SNX29: variants seen among roughly 807,000 people sequenced by gnomAD.
SNX29 encodes sorting nexin-29.
Under a neutral mutation model 102.1 loss-of-function variants are expected in SNX29, and 78 were observed. The ratio of observed to expected loss-of-function variants is 0.76; its 90% CI spans 0.64 to 0.92. SNX29 has a LOEUF of 0.92. Among genes scored for constraint, SNX29 ranks in the 40% least tolerant of loss-of-function variants. SNX29 has a pLI of 0.00. For synonymous variants in SNX29, 580 were observed against 414.5 expected (o/e 1.40, Z -4.85); for missense variants, 1,280 against 1,061.7 (o/e 1.21, Z -2.86).
rs1308920595 is a variant in SNX29, at chr16:12,570,523, C to G, written c.*1894C>G. 2.2e-5 allele frequency: 5 copies of G among 232,524 alleles called. No homozygotes were observed. The highest frequency in any genetic ancestry group is 1.7e-4 in the Admixed American group (3 of 17,754). 14.4% of individuals were successfully genotyped at this position (232,524 alleles called of 1,614,324 possible). ...TAGGTTGGGTTTATGCCACATCGGTCATTTTGAAGTAGGTGTTTGATGCCA... is the reference window on the plus strand; with the variant it reads ...TAGGTTGGGTTTATGCCACATCGGTGATTTTGAAGTAGGTGTTTGATGCCA... On this transcript the variant is annotated 3_prime_UTR_variant, in exon 21 of 21. Transcript: ENST00000566228.
intron 19 of SNX29, among the ~76,000 whole-genome samples, chr16:12,488,013 G>A (rs555462904): frequency 2.5e-4 from 38 of 152,254 alleles, no homozygotes; most frequent in Middle Eastern, 6.8e-3. Flanking sequence ...ACATCTCAGG[G>A]GAGAGACCTT....
chr16:12,352,136 AC>A (rs1385064848), intron 15 of SNX29, among the ~76,000 whole-genome samples: 1 of 152,162 alleles, frequency 6.6e-6, no homozygotes, highest in East Asian at 1.9e-4. Context: ...ACAATGATAG[AC>A]TGGATTAAAG....
chr16:12,482,123 A>G (rs532700507), intron 19 of SNX29, among the ~76,000 whole-genome samples: 1 of 152,174 alleles, frequency 6.6e-6, no homozygotes, highest in Non-Finnish European at 1.5e-5. Context: ...TGTTGATTCT[A>G]CATTGGCCCA....
At chr16:12,125,605 C>CTTT (rs36212472) in intron 11 of SNX29, among the ~76,000 whole-genome samples, 8 of 45,404 alleles carry the variant, frequency 1.8e-4, no homozygotes, top group South Asian at 8.4e-4. Context: ...TGAGATCTCT[C>CTTT]TTTTTTTTTT....
intron 15 of SNX29, among the ~76,000 whole-genome samples, chr16:12,292,258 A>G (rs1443507149): frequency 4.6e-5 from 7 of 152,156 alleles, no homozygotes; most frequent in Non-Finnish European, 4.4e-5. Flanking sequence ...AGTGAGACAG[A>G]GGCAAGACGC....
intron 1 of SNX29, among the ~76,000 whole-genome samples, chr16:11,993,178 T>C (rs1328165235): frequency 6.6e-6 from 1 of 151,170 alleles, no homozygotes; most frequent in East Asian, 1.9e-4. Flanking sequence ...AATAAATAAA[T>C]AAATAAATAA....
chr16:12,539,340 C>G (rs558809841), intron 20 of SNX29, among the ~76,000 whole-genome samples: 3 of 152,114 alleles, frequency 2.0e-5, no homozygotes, highest in South Asian at 4.2e-4. Context: ...AAGAATGTCA[C>G]ATAAATGGAA....
chr16:12,530,220 A>G (rs945655130), intron 20 of SNX29, among the ~76,000 whole-genome samples: 5 of 152,176 alleles, frequency 3.3e-5, no homozygotes, highest in Non-Finnish European at 7.3e-5. Context: ...TGGCTCTTCC[A>G]CTGAGGAGGA....
At chr16:12,116,407 C>T (rs936874285) in intron 11 of SNX29, among the ~76,000 whole-genome samples, 8 of 152,200 alleles carry the variant, frequency 5.3e-5, no homozygotes, top group Non-Finnish European at 1.0e-4. Context: ...CGCAGTGGCT[C>T]ATGCCTGTGA....
At chr16:12,429,550 T>G (rs1373421951) in intron 18 of SNX29, among the ~76,000 whole-genome samples, 1 of 152,214 alleles carries the variant, frequency 6.6e-6, no homozygotes, top group Non-Finnish European at 1.5e-5. Context: ...ATTACAGATG[T>G]GAGCCACTGT....
chr16:12,526,520 TTTCTTTTC>T, intron 20 of SNX29: 1 of 511,870 alleles, frequency 2.0e-6, no homozygotes, highest in Non-Finnish European at 3.8e-6. Flanking sequence ...ACGCTTTATT[TTTCTTTTC>T]TTCTTTTATT....
chr16:12,534,877 C>T (rs927847982), intron 20 of SNX29, among the ~76,000 whole-genome samples: 1 of 152,150 alleles, frequency 6.6e-6, no homozygotes, highest in East Asian at 1.9e-4. Flanking sequence ...GGGACAGTGC[C>T]ACGAGAATCT....
At chr16:12,536,238 C>G (rs920201244) in intron 20 of SNX29, among the ~76,000 whole-genome samples, 2 of 151,788 alleles carry the variant, frequency 1.3e-5, no homozygotes, top group African/African-American at 2.4e-5. Flanking sequence ...ATGTTTTTTT[C>G]TTTTTTATGC....
At chr16:12,527,740 C>T (rs540764815) in intron 20 of SNX29, among the ~76,000 whole-genome samples, 52 of 152,260 alleles carry the variant, frequency 3.4e-4, no homozygotes, top group African/African-American at 1.2e-3. Context: ...GAAGCCTGCA[C>T]CCTGTGGACT....
intron 20 of SNX29, among the ~76,000 whole-genome samples, chr16:12,529,289 C>G (rs927829518): frequency 2.0e-5 from 3 of 152,190 alleles, no homozygotes; most frequent in African/African-American, 4.8e-5. Flanking sequence ...TCCCAACACC[C>G]ACATCTTTGG....
At chr16:12,153,640 A>ATTT (rs144224447) in intron 13 of SNX29, among the ~76,000 whole-genome samples, 2 of 139,286 alleles carry the variant, frequency 1.4e-5, no homozygotes, top group Admixed American at 7.2e-5. Flanking sequence ...CACCTGGCTA[A>ATTT]TTTTTTTTTT....
At chr16:12,307,335 C>T (rs924062639) in intron 15 of SNX29, among the ~76,000 whole-genome samples, 88 of 151,978 alleles carry the variant, frequency 5.8e-4, no homozygotes, top group Non-Finnish European at 2.2e-4. Flanking sequence ...ATGGTGAGTG[C>T]GGTTGTTAAG....
intron 20 of SNX29, chr16:12,557,704 G>T (rs574718847): frequency 6.6e-6 from 1 of 152,196 alleles, no homozygotes; most frequent in African/African-American, 2.4e-5. Flanking sequence ...AGGCTCGTTT[G>T]ATACCAGCAT....
chr16:12,332,411 G>A (rs552563630), intron 15 of SNX29, among the ~76,000 whole-genome samples: 12 of 152,248 alleles, frequency 7.9e-5, no homozygotes, highest in African/African-American at 1.9e-4. Flanking sequence ...TTTGCTAGTC[G>A]TGCCTGTTAG....
Sources: allele counts gnomAD v4.1 joint callset (sites outside exome capture counted in the v4.1 genomes callset), GRCh38; gene constraint gnomAD v4.1.1; transcripts MANE v1.5; gene names NCBI Gene and HGNC (gene_info 2026-07-23, HGNC 2026-07-21).